KANSL1: variants seen among roughly 807,000 people sequenced by gnomAD.
KANSL1 encodes the protein KAT8 regulatory NSL complex subunit 1, also known as MLL1/MLL complex subunit KANSL1.
KANSL1 carries 22 observed loss-of-function variants against 103.6 expected under a neutral mutation model. That is an observed-to-expected ratio of 0.21 (90% CI 0.15 to 0.30). The LOEUF is 0.30. Among genes scored for constraint, KANSL1 ranks in the 10% least tolerant of loss-of-function variants. The pLI is 1.00. For missense variants in KANSL1, 1,337 were observed against 1,399.8 expected, an observed-to-expected ratio of 0.96 and a Z score of 0.72; for synonymous variants, 600 against 527.6, an observed-to-expected ratio of 1.14 and a Z score of -1.88.
rs138490347 is a variant in KANSL1 at position 46,032,099 on chromosome 17, A to G, written c.3038T>C (p.Leu1013Ser). 1.4e-4 allele frequency: 232 copies of G among 1,614,006 alleles called. No homozygotes were observed. Among genetic ancestry groups the G allele is most frequent in the Non-Finnish European group, 1.9e-4 (228 of 1,180,016 alleles). ...GGAACAACGGGTATCCTCACTGGCT[A>G]AGTGTCGCGGAGTGTCCCGAGCCAC... is the stretch of plus-strand genomic sequence containing the variant. ...TPVARDTPRH[L>S]ASEDTRCSTP... Residue 1013 changes from leucine to serine, a missense_variant, in exon 14 of 15, where the codon TTA (leucine) becomes TCA (serine). This residue lies in a region of KANSL1 where 780 missense variants were observed against 923.4 expected (regional missense o/e 0.84). Coordinates refer to ENST00000432791, the MANE Select transcript of KANSL1 (RefSeq NM_015443.4).
intron 2 of KANSL1, among the ~76,000 whole-genome samples, chr17:46,111,889 A>AT (rs1027179634): frequency 6.6e-6 from 1 of 152,200 alleles, no homozygotes; most frequent in Non-Finnish European, 1.5e-5. Context: ...AGAAAAGTTT[A>AT]TTTTTTGGAA....
chr17:46,095,939 G>C (rs1338393682), intron 2 of KANSL1, among the ~76,000 whole-genome samples: 3 of 152,024 alleles, frequency 2.0e-5, no homozygotes, highest in African/African-American at 4.8e-5. Flanking sequence ...ATAAATATTA[G>C]GTAAAACATT....
intron 2 of KANSL1, among the ~76,000 whole-genome samples, chr17:46,161,890 T>C (rs2045762377): frequency 6.6e-6 from 1 of 152,224 alleles, no homozygotes; most frequent in Non-Finnish European, 1.5e-5. Flanking sequence ...CACAATTTAA[T>C]AGCAAATTTT....
chr17:46,193,258 G>T lies in KANSL1; in HGVS notation c.-525C>A, dbSNP rs534928254. 6.5e-6 allele frequency: 1 copy of T among 152,804 alleles called. No individual in the cohort carries two copies. The highest frequency in any genetic ancestry group is 2.1e-4 in the South Asian group (1 of 4,842). The allele number at this position is 152,804 out of a possible 1,614,324, so 9.5% of individuals were successfully genotyped here. A position where few individuals can be genotyped will look rare whatever the true frequency, so the allele number is the denominator to read the frequency against. ...CCCCGGCCGCCTCTTTCCAGCCGGG[G>T]AGCGCGCTTCAGCCGCCCCCCGCGC... On this transcript the variant is annotated 5_prime_UTR_variant, in exon 1 of 15. Coordinates refer to ENST00000432791, the MANE Select transcript of KANSL1 (RefSeq NM_015443.4).
chr17:46,220,959 A>T (rs2048514218), intron 1 of KANSL1, among the ~76,000 whole-genome samples: 2 of 149,334 alleles, frequency 1.3e-5, no homozygotes, highest in Non-Finnish European at 3.0e-5. Flanking sequence ...AAGTGCTGGG[A>T]TTACACGTGT....
intron 1 of KANSL1, among the ~76,000 whole-genome samples, chr17:46,214,857 G>A (rs915867322): frequency 6.6e-6 from 1 of 152,244 alleles, no homozygotes; most frequent in Admixed American, 6.5e-5. Flanking sequence ...ACCTTTGACA[G>A]CACAGTCAAC....
intron 1 of KANSL1, among the ~76,000 whole-genome samples, chr17:46,191,123 G>C (rs892563322): frequency 6.6e-6 from 1 of 152,158 alleles, no homozygotes; most frequent in South Asian, 2.1e-4. Flanking sequence ...AATGTACTTC[G>C]TATTTTATAA....
At chr17:46,140,829 C>T (rs1043600134) in intron 2 of KANSL1, among the ~76,000 whole-genome samples, 7 of 152,110 alleles carry the variant, frequency 4.6e-5, no homozygotes, top group African/African-American at 1.7e-4. Flanking sequence ...AATGAGATAC[C>T]ACTTCACATT....
chr17:46,073,554 TTGAG>T (rs2078652985), intron 4 of KANSL1, among the ~76,000 whole-genome samples: 1 of 151,876 alleles, frequency 6.6e-6, no homozygotes. Context: ...CTACAGGACG[TTGAG>T]TGAGAAAAGG....
chr17:46,135,894 T>A (rs144989924), intron 2 of KANSL1, among the ~76,000 whole-genome samples: 1 of 152,108 alleles, frequency 6.6e-6, no homozygotes, highest in South Asian at 2.1e-4. Flanking sequence ...TAGAGCAAAC[T>A]AGGCTCTATT....
At position 46,066,925 on chromosome 17, in the gene KANSL1, T is replaced by C. The variant is rs558415983; in HGVS notation, c.1653-193A>G. ...CTGTTAATCTACCTGTGTGTGCTTA[T>C]GTGTAAGGTTCTTGGTGCACATTAA... On this transcript the variant is annotated intron_variant, in intron 5 of 14. Transcript: ENST00000432791. 5.2e-4 allele frequency among the ~76,000 whole-genome samples: 79 copies of C among 152,334 alleles called. 1 individual carries two copies. Among genetic ancestry groups the C allele is most frequent in the African/African-American group, 1.8e-3 (75 of 41,580 alleles).
chr17:46,165,160 T>G (rs1009313581), intron 2 of KANSL1, among the ~76,000 whole-genome samples: 2 of 152,228 alleles, frequency 1.3e-5, no homozygotes, highest in Non-Finnish European at 2.9e-5. Context: ...ACAAAGCAAT[T>G]TGATTGCCAC....
At chr17:46,189,031 C>CAAAAAAAAAAAAAAAAAAAA (rs57566816) in intron 1 of KANSL1, among the ~76,000 whole-genome samples, 4 of 62,382 alleles carry the variant, frequency 6.4e-5, no homozygotes, top group African/African-American at 3.0e-4. Context: ...AAGATTGTCT[C>CAAAAAAAAAAAAAAAAAAAA]AAAAAAAAAA....
At chr17:46,134,601 A>T (rs1266670994) in intron 2 of KANSL1, among the ~76,000 whole-genome samples, 1 of 152,142 alleles carries the variant, frequency 6.6e-6, no homozygotes, top group African/African-American at 2.4e-5. Flanking sequence ...GCACTTTGGG[A>T]GGCCGAGGCA....
chr17:46,221,998 T>G lies in KANSL1; in HGVS notation c.-90+1673A>C, dbSNP rs1281105003. 9 of 152,104 alleles carry G rather than the reference T, an allele frequency of 5.9e-5. No homozygotes were observed. The East Asian group carries it at 1.7e-3, about 29-fold the overall frequency. The allele number at this position is 152,104 out of a possible 1,614,324, so 9.4% of individuals were successfully genotyped here. ...TCTGACCAGACGAACACTGTAATTT[T>G]TAAGGTTTCTAAGTAATAAAAATAG... On this transcript the variant is annotated intron_variant, in intron 1 of 14. Coordinates refer to the KANSL1 transcript ENST00000572904.
chr17:46,054,517 G>A (rs1366303495), intron 6 of KANSL1, among the ~76,000 whole-genome samples: 1 of 152,176 alleles, frequency 6.6e-6, no homozygotes, highest in South Asian at 2.1e-4. Context: ...ACAGTAATCA[G>A]TGTAAATCTT....
intron 3 of KANSL1, among the ~76,000 whole-genome samples, chr17:46,090,159 T>TA (rs1293821077): frequency 6.6e-6 from 1 of 152,208 alleles, no homozygotes; most frequent in Non-Finnish European, 1.5e-5. Context: ...AGGCAGCAAC[T>TA]GCAGTGATGT....
intron 6 of KANSL1, among the ~76,000 whole-genome samples, chr17:46,052,725 G>A (rs1217285975): frequency 6.7e-6 from 1 of 149,396 alleles, no homozygotes; most frequent in African/African-American, 2.5e-5. Context: ...AGGATTGCTT[G>A]AAGCCAGGAG....
chr17:46,116,167 T>C (rs2147146646), intron 2 of KANSL1, among the ~76,000 whole-genome samples: 1 of 152,330 alleles, frequency 6.6e-6, no homozygotes, highest in African/African-American at 2.4e-5. Context: ...AAATTAAAGT[T>C]AGTTATTTAG....
Sources: gnomAD v4.1 joint callset for allele counts (sites outside exome capture counted in the v4.1 genomes callset) on GRCh38, gnomAD v4.1.1 for gene constraint, gnomAD v4.1.1 regional missense constraint, MANE v1.5 for transcripts, NCBI Gene and HGNC (gene_info 2026-07-23, HGNC 2026-07-21) for gene names.